The following ADGRG2 variants were observed in gnomAD, a reference collection of about 807,000 sequenced individuals.
ADGRG2 encodes the protein adhesion G protein-coupled receptor G2, also known as G protein-coupled receptor 64.
A neutral mutation model predicts 74.1 loss-of-function variants in ADGRG2; 26 were observed. The ratio of observed to expected loss-of-function variants is 0.35; its 90% CI spans 0.26 to 0.49. ADGRG2 has a LOEUF of 0.49. Ranked by LOEUF, ADGRG2 falls within the 20% of genes least tolerant of loss-of-function variation. ADGRG2 has a pLI of 0.99. For synonymous variants in ADGRG2, 296 were observed against 295.2 expected (o/e 1.00, Z -0.03); for missense variants, 619 against 763.1 (o/e 0.81, Z 2.22).
intron 26 of ADGRG2, among the ~76,000 whole-genome samples, chrX:18,997,260 A>G (rs752596352): frequency 1.8e-5 from 2 of 111,858 alleles, no homozygotes; most frequent in South Asian, 7.5e-4. Context: ...GAAGATATAT[A>G]TATATTCAAC....
rs1601879659 is a variant in ADGRG2 at position 19,010,781 on chromosome X, A to G, written c.1100-3T>C. 7 of 1,180,600 alleles carry G rather than the reference A, an allele frequency of 5.9e-6. No individual in the cohort carries two copies. The highest frequency in any genetic ancestry group is 6.9e-6 in the Non-Finnish European group (6 of 873,447). On this transcript the variant is annotated splice_region_variant and splice_polypyrimidine_tract_variant and intron_variant, in intron 16 of 28. Transcript: ENST00000379869. Reference sequence around the variant, plus strand: ...AATACTGCTGGTGTTGACGATGTCTATATCAAAGAGCCAAATCGTGTTATG... The same window carrying G: ...AATACTGCTGGTGTTGACGATGTCTGTATCAAAGAGCCAAATCGTGTTATG...
intron 2 of ADGRG2, among the ~76,000 whole-genome samples, chrX:19,082,487 C>T (rs1459205389): frequency 9.0e-6 from 1 of 111,258 alleles, no homozygotes; most frequent in Non-Finnish European, 1.9e-5. Flanking sequence ...AACAGGTCAA[C>T]AATAGAATCC....
chrX:19,005,956 A>G (rs1442811476), intron 22 of ADGRG2, 46 bp downstream of exon 22: 1 of 705,718 alleles, frequency 1.4e-6, no homozygotes, highest in Non-Finnish European at 2.3e-6. Flanking sequence ...ATGCCCAGCT[A>G]CCCCTCAGAC....
At chrX:19,047,052 A>G (rs1281888347) in intron 3 of ADGRG2, among the ~76,000 whole-genome samples, 2 of 111,990 alleles carry the variant, frequency 1.8e-5, no homozygotes, top group Admixed American at 9.5e-5. Context: ...GAGTCAACAG[A>G]GCAAAGACTC....
At position 19,043,761 on chromosome X, in the gene ADGRG2, A is replaced by ATT. The variant is rs5901652; in HGVS notation, c.119-3539_119-3538dup. Among the ~76,000 whole-genome samples, 548 of 100,214 alleles carry ATT rather than the reference A, an allele frequency of 5.5e-3. 6 individuals carry two copies. In the East Asian group the frequency reaches 0.058, roughly 11 times the overall value. 87.0% of individuals were successfully genotyped at this position (100,214 alleles called of 115,157 possible). The stretch of plus-strand genomic sequence containing the variant: ...TCTTTCCCTACATCCCCTCCCAGGC[A>ATT]TTTTTTTTTTTTCAGTTATTGCCAC... On this transcript the variant is annotated intron_variant, in intron 3 of 28. Transcript: ENST00000379869.
In ADGRG2 at chrX:19,009,563, A is replaced by G. The variant is rs779582838; in HGVS notation, c.1422+63T>C. On this transcript the variant is annotated intron_variant, in intron 18 of 28. Transcript: ENST00000379869. The stretch of plus-strand genomic sequence containing the variant: ...AAGCAGTAATTGCCTCAATCATGAA[A>G]TACAATGGGGACTACAATCACACAC... The G allele has an allele frequency of 5.9e-6, 6 of 1,011,645 alleles. No individual in the cohort carries two copies. In the East Asian group the frequency reaches 1.8e-4, roughly 31 times the overall value. 83.4% of individuals were successfully genotyped at this position (1,011,645 alleles called of 1,213,427 possible).
chrX:19,104,543 T>C (rs1181869327), intron 1 of ADGRG2, among the ~76,000 whole-genome samples: 1 of 111,897 alleles, frequency 8.9e-6, no homozygotes, highest in Non-Finnish European at 1.9e-5. Flanking sequence ...CCCCCTTTTT[T>C]TATAATAGGA....
rs781269908 is a variant in ADGRG2 at position 18,989,575 on chromosome X, AG to A, written c.*1288del. On this transcript the variant is annotated 3_prime_UTR_variant, in exon 29 of 29. Coordinates refer to ENST00000379869, the MANE Select transcript of ADGRG2 (RefSeq NM_001079858.3). ...AGGCACTGCTCAAGCAGATGTAGGT[AG>A]GAAGCAAGATAGACCCTGTATATAA... 8.9e-6 allele frequency: 1 copy of A among 111,883 alleles called. No individual in the cohort carries two copies. The highest frequency in any genetic ancestry group is 3.2e-5 in the African/African-American group (1 of 30,788). 9.2% of individuals were successfully genotyped at this position (111,883 alleles called of 1,213,427 possible).
At chrX:19,021,292 G>A (rs2060583031) in intron 13 of ADGRG2, 94 bp from the exon 14 acceptor site, 1 of 534,789 alleles carries the variant, frequency 1.9e-6, no homozygotes, top group Non-Finnish European at 3.3e-6. Flanking sequence ...GTGAGGAAAG[G>A]GGACACTGAT....
intron 3 of ADGRG2, among the ~76,000 whole-genome samples, chrX:19,044,555 T>C (rs1158399095): frequency 1.8e-5 from 2 of 111,986 alleles, no homozygotes; most frequent in East Asian, 5.6e-4. Flanking sequence ...GAAACCCAGT[T>C]TCCTAAATTA....
intron 11 of ADGRG2, 134 bp from the exon 12 acceptor site, chrX:19,024,082 G>C (rs1192874103): frequency 6.4e-6 from 3 of 469,241 alleles, no homozygotes; most frequent in Non-Finnish European, 1.1e-5. Context: ...GAAATAGAGA[G>C]TATAATAAGA....
chrX:19,101,335 C>T (rs1031034661), intron 1 of ADGRG2, among the ~76,000 whole-genome samples: 3 of 111,533 alleles, frequency 2.7e-5, no homozygotes, highest in Non-Finnish European at 5.6e-5. Context: ...TCTTATAAAG[C>T]TTAAAAGGCA....
At chrX:19,021,373 A>G in intron 13 of ADGRG2, 175 bp from the exon 14 acceptor site, 1 of 489,982 alleles carries the variant, frequency 2.0e-6, no homozygotes. Flanking sequence ...TTTTACCCAA[A>G]AAGACTTTAT....
Position 19,049,438 on chromosome X carries a change from G to GTT in ADGRG2, c.119-9216_119-9215dup, listed in dbSNP as rs752686975. On this transcript the variant is annotated intron_variant, in intron 3 of 28. Transcript: ENST00000379869. ...TGTGTCATATATAAGCGTTTTTTGT[G>GTT]TTTTTTTTTTTTTTTTTTTGTTGTT... Among the ~76,000 whole-genome samples, 357 of 82,119 alleles carry GTT rather than the reference G, an allele frequency of 4.3e-3. 5 individuals carry two copies. Among genetic ancestry groups the GTT allele is most frequent in the East Asian group, 0.013 (37 of 2,833 alleles). The allele number at this position is 82,119 out of a possible 115,157, so 71.3% of individuals were successfully genotyped here.
chrX:19,051,282 G>C (rs1337358370), intron 3 of ADGRG2, among the ~76,000 whole-genome samples: 1 of 110,841 alleles, frequency 9.0e-6, no homozygotes, highest in East Asian at 2.9e-4. Flanking sequence ...CACCGTGTTA[G>C]CCAGGATGGT....
At chrX:19,113,270 C>T (rs768926326) in intron 1 of ADGRG2, among the ~76,000 whole-genome samples, 4 of 110,151 alleles carry the variant, frequency 3.6e-5, no homozygotes, top group South Asian at 3.9e-4. Flanking sequence ...CCCAGCTACT[C>T]GGGAAGCTGA....
intron 1 of ADGRG2, among the ~76,000 whole-genome samples, chrX:19,104,916 CAAAAA>C (rs1001242331): frequency 4.3e-5 from 1 of 23,355 alleles, no homozygotes; most frequent in African/African-American, 1.5e-4. Context: ...GACTCTGTCT[CAAAAA>C]AAAAAAAAAA....
At chrX:19,120,414 A>C (rs1394398568) in intron 1 of ADGRG2, among the ~76,000 whole-genome samples, 1 of 112,393 alleles carries the variant, frequency 8.9e-6, no homozygotes, top group Non-Finnish European at 1.9e-5. Context: ...ATCAATAATT[A>C]AGCTCCTAAT....
At chrX:19,110,652 C>T (rs1211267273) in intron 1 of ADGRG2, among the ~76,000 whole-genome samples, 1 of 105,827 alleles carries the variant, frequency 9.4e-6, no homozygotes, top group Admixed American at 1.0e-4. Flanking sequence ...CGCCACTGCA[C>T]TCCAACCTAG....
Sources: gnomAD v4.1 joint callset for allele counts (sites outside exome capture counted in the v4.1 genomes callset) on GRCh38, gnomAD v4.1.1 for gene constraint, MANE v1.5 for transcripts, NCBI Gene and HGNC (gene_info 2026-07-23, HGNC 2026-07-21) for gene names.